Variants in DMD observed in about 807,000 individuals in gnomAD.
The protein encoded by DMD is dystrophin, also known as mutant dystrophin.
In DMD, 63 loss-of-function variants were observed where a neutral mutation model predicts 330.1. The ratio of observed to expected loss-of-function variants is 0.19; its 90% CI spans 0.16 to 0.24. DMD has a LOEUF of 0.24. DMD is among the 10% of genes least tolerant of loss of function. The probability of loss-of-function intolerance (pLI) is 1.00; values close to 1 mark genes in which losing one functional copy is unlikely to be tolerated. For missense variants in DMD, 3,344 were observed against 2,684.1 expected, an observed-to-expected ratio of 1.25 and a Z score of -5.43; for synonymous variants, 1,223 against 959.8, an observed-to-expected ratio of 1.27 and a Z score of -5.07.
At chrX:32,403,563 G>T (rs1287094225) in intron 30 of DMD, among the ~76,000 whole-genome samples, 2 of 111,712 alleles carry the variant, frequency 1.8e-5, no homozygotes, top group Non-Finnish European at 3.8e-5. Context: ...TCAGTGACGT[G>T]TGGCAAGTTT....
chrX:32,846,521 T>C (rs1003039855), intron 3 of DMD, among the ~76,000 whole-genome samples: 10 of 110,355 alleles, frequency 9.1e-5, no homozygotes, highest in African/African-American at 3.3e-4. Flanking sequence ...CTCTCCAAGG[T>C]AACTTGCCTG....
chrX:32,247,391 A>G lies in DMD; in HGVS notation c.6291-30328T>C, dbSNP rs955758347. Among the ~76,000 whole-genome samples the G allele has an allele frequency of 2.7e-5, 3 of 111,986 alleles. No homozygotes were observed. The East Asian group carries it at 8.4e-4, about 31-fold the overall frequency. On this transcript the variant is annotated intron_variant, in intron 43 of 78. Coordinates refer to ENST00000357033, the MANE Select transcript of DMD (RefSeq NM_004006.3). ...ATTATAGTAGCAATAAATGCCAAAA[A>G]TCGTTAAGTATTTCTTTTAAATATT...
At chrX:32,790,650 G>A (rs1192211415) in intron 7 of DMD, among the ~76,000 whole-genome samples, 1 of 111,614 alleles carries the variant, frequency 9.0e-6, no homozygotes, top group African/African-American at 3.3e-5. Flanking sequence ...GGAACCACTG[G>A]CAGCAAACCC....
At chrX:32,617,511 T>A (rs192928886) in intron 11 of DMD, among the ~76,000 whole-genome samples, 96 of 111,403 alleles carry the variant, frequency 8.6e-4, no homozygotes, top group Non-Finnish European at 1.5e-3. Flanking sequence ...AGAATCTACA[T>A]GCAGAAGAAT....
intron 32 of DMD, among the ~76,000 whole-genome samples, chrX:32,387,663 T>C (rs932771847): frequency 7.2e-5 from 8 of 111,567 alleles, no homozygotes; most frequent in Admixed American, 6.7e-4. Context: ...CTAATAATTA[T>C]GACTTTTGTC....
intron 63 of DMD, among the ~76,000 whole-genome samples, chrX:31,250,649 T>G (rs1603222469): frequency 8.9e-6 from 1 of 111,873 alleles, no homozygotes; most frequent in East Asian, 2.8e-4. Context: ...AAATTCATGA[T>G]CAATGAATTC....
At chrX:32,836,324 G>A (rs934107087) in intron 4 of DMD, among the ~76,000 whole-genome samples, 1 of 110,394 alleles carries the variant, frequency 9.1e-6, no homozygotes, top group African/African-American at 3.3e-5. Context: ...GAGCCACCAC[G>A]CTCGGCCTCA....
At position 32,573,247 on chromosome X, in the gene DMD, G is replaced by C. The variant is rs141927140; in HGVS notation, c.1812+283C>G. 5.5e-3 allele frequency among the ~76,000 whole-genome samples: 618 copies of C among 111,729 alleles called. 8 individuals are homozygous for C. Among genetic ancestry groups the C allele is most frequent in the African/African-American group, 0.019 (585 of 30,799 alleles). ...TATGCTGCTTAGAACTTTATGAAAGGCTCACAGACATTTCTTAGTATTACT... is the reference window on the plus strand; with the variant it reads ...TATGCTGCTTAGAACTTTATGAAAGCCTCACAGACATTTCTTAGTATTACT... On this transcript the variant is annotated intron_variant, in intron 15 of 78. Coordinates refer to ENST00000357033, the MANE Select transcript of DMD (RefSeq NM_004006.3).
chrX:32,191,546 G>C (rs1172790939), intron 44 of DMD, among the ~76,000 whole-genome samples: 2 of 111,218 alleles, frequency 1.8e-5, no homozygotes, highest in Non-Finnish European at 3.8e-5. Flanking sequence ...TAGGTCCCGG[G>C]AACACGATTT....
intron 44 of DMD, among the ~76,000 whole-genome samples, chrX:32,066,256 G>A (rs191538136): frequency 2.0e-3 from 227 of 111,463 alleles, no homozygotes; most frequent in African/African-American, 7.0e-3. Flanking sequence ...AGGGGTGCTG[G>A]CTTATAAATA....
intron 48 of DMD, among the ~76,000 whole-genome samples, chrX:31,874,943 G>T (rs952739259): frequency 9.0e-6 from 1 of 110,686 alleles, no homozygotes; most frequent in East Asian, 2.8e-4. Context: ...CTGCTCCTTG[G>T]CTATAAATTC....
intron 1 of DMD, among the ~76,000 whole-genome samples, chrX:33,075,371 A>G (rs2094823745): frequency 9.0e-6 from 1 of 111,374 alleles, no homozygotes; most frequent in African/African-American, 3.3e-5. Flanking sequence ...TCTTGAGGAG[A>G]CTGATTTGAG....
At chrX:33,302,044 T>C (rs111993221) in intron 1 of DMD, among the ~76,000 whole-genome samples, 53 of 112,006 alleles carry the variant, frequency 4.7e-4, no homozygotes, top group African/African-American at 1.6e-3. Flanking sequence ...TGGCTATATA[T>C]TTTTATAATG....
chrX:32,699,840 C>T (rs192497886), intron 7 of DMD, among the ~76,000 whole-genome samples: 7 of 111,332 alleles, frequency 6.3e-5, no homozygotes, highest in Admixed American at 3.8e-4. Flanking sequence ...AGAAAAATAC[C>T]ATATAATGAT....
chrX:33,237,765 A>T (rs963659817), intron 1 of DMD, among the ~76,000 whole-genome samples: 2 of 112,360 alleles, frequency 1.8e-5, no homozygotes, highest in Non-Finnish European at 3.8e-5. Flanking sequence ...ACAAAATGAA[A>T]ATATGTATTG....
intron 43 of DMD, among the ~76,000 whole-genome samples, chrX:32,261,565 T>C (rs1028427527): frequency 1.8e-5 from 2 of 112,167 alleles, no homozygotes; most frequent in African/African-American, 3.2e-5. Context: ...GGTGGTGCTA[T>C]TGACTTGGTA....
At chrX:32,179,623 T>C (rs911001712) in intron 44 of DMD, among the ~76,000 whole-genome samples, 11 of 112,081 alleles carry the variant, frequency 9.8e-5, no homozygotes, top group Non-Finnish European at 2.1e-4. Flanking sequence ...ATAATATTGA[T>C]CATCCAAATA....
chrX:32,960,650 C>T, intron 2 of DMD, among the ~76,000 whole-genome samples: 1 of 111,215 alleles, frequency 9.0e-6, no homozygotes, highest in Non-Finnish European at 1.9e-5. Context: ...AACTCCCAGT[C>T]ACCTCTACAC....
At chrX:32,619,293 A>G (rs1487275418) in intron 11 of DMD, among the ~76,000 whole-genome samples, 1 of 111,304 alleles carries the variant, frequency 9.0e-6, no homozygotes, top group East Asian at 2.9e-4. Flanking sequence ...AATAGTGGTT[A>G]CCAGAGGCTG....
Sources: allele counts gnomAD v4.1 joint callset (sites outside exome capture counted in the v4.1 genomes callset), GRCh38; gene constraint gnomAD v4.1.1; transcripts MANE v1.5; gene names NCBI Gene and HGNC (gene_info 2026-07-23, HGNC 2026-07-21).